Variants in EYA4 observed in about 807,000 individuals in gnomAD.
The protein encoded by EYA4 is protein phosphatase EYA4.
A neutral mutation model predicts 87.9 loss-of-function variants in EYA4; 31 were observed. The ratio of observed to expected loss-of-function variants is 0.35; its 90% CI spans 0.27 to 0.48. The LOEUF (loss-of-function observed/expected upper bound fraction) is 0.48. Ranked by LOEUF, EYA4 falls within the 20% of genes least tolerant of loss-of-function variation. EYA4 has a pLI of 0.99. For missense variants in EYA4, 678 were observed against 761.4 expected (o/e 0.89, Z 1.29); for synonymous variants, 263 against 270.6 (o/e 0.97, Z 0.28).
At chr6:133,338,443 A>G (rs929984947) in intron 2 of EYA4, among the ~76,000 whole-genome samples, 5 of 152,164 alleles carry the variant, frequency 3.3e-5, no homozygotes, top group African/African-American at 1.2e-4. Context: ...GGTTTATGTC[A>G]CTTCACTTGA....
intron 2 of EYA4, among the ~76,000 whole-genome samples, chr6:133,366,497 A>G (rs1784863201): frequency 6.6e-6 from 1 of 152,176 alleles, no homozygotes; most frequent in South Asian, 2.1e-4. Context: ...CTGGGGGCAG[A>G]TCATGCATTT....
rs554857253 is a variant in EYA4, at chr6:133,495,975, G to A, written c.1192-10131G>A. On this transcript the variant is annotated intron_variant, in intron 13 of 19. Transcript: ENST00000355286. ...AAAAGGCCATGGTCAAATATATTTA[G>A]GGAATGCTTACATTTTATAGCCATT... Among the ~76,000 whole-genome samples the A allele has an allele frequency of 2.0e-4, 30 of 152,306 alleles. No homozygotes were observed. In the East Asian group the frequency reaches 5.8e-3, roughly 29 times the overall value.
At chr6:133,409,661 G>A (rs531715171) in intron 3 of EYA4, among the ~76,000 whole-genome samples, 1 of 152,144 alleles carries the variant, frequency 6.6e-6, no homozygotes, top group East Asian at 1.9e-4. Context: ...AGAAACAGAG[G>A]GTAGAATGGT....
chr6:133,350,807 A>G (rs987967998), intron 2 of EYA4, among the ~76,000 whole-genome samples: 4 of 152,120 alleles, frequency 2.6e-5, no homozygotes, highest in Non-Finnish European at 4.4e-5. Context: ...TCTATATTTT[A>G]GCTTTAGAAA....
intron 5 of EYA4, chr6:133,452,911 A>G (rs1793584657): frequency 6.6e-6 from 1 of 152,102 alleles, no homozygotes; most frequent in South Asian, 2.1e-4. Flanking sequence ...TCAACCTAGG[A>G]CATTAAAATA....
chr6:133,359,384 C>T (rs987720080), intron 2 of EYA4, among the ~76,000 whole-genome samples: 9 of 152,122 alleles, frequency 5.9e-5, no homozygotes, highest in Non-Finnish European at 1.2e-4. Flanking sequence ...TGAAATGAAA[C>T]CCTAATGGGC....
In EYA4 at chr6:133,301,471, G is replaced by T. The variant is rs543864656; in HGVS notation, c.33+26658G>T. 2.0e-5 allele frequency among the ~76,000 whole-genome samples: 3 copies of T among 152,228 alleles called. No individual in the cohort carries two copies. In the South Asian group the frequency reaches 6.2e-4, roughly 32 times the overall value. On this transcript the variant is annotated intron_variant, in intron 2 of 19. Coordinates refer to ENST00000355286, the MANE Select transcript of EYA4 (RefSeq NM_004100.5). The stretch of plus-strand genomic sequence containing the variant: ...TCCCGGATGCCTTTTATTTGGTGAA[G>T]AAAACAATGTTCTAATACAAAGTGA...
intron 1 of EYA4, among the ~76,000 whole-genome samples, chr6:133,253,692 A>G (rs769392716): frequency 1.3e-5 from 2 of 152,126 alleles, no homozygotes; most frequent in Non-Finnish European, 2.9e-5. Context: ...TTCAAGGCTT[A>G]GCTCAAATGT....
At chr6:133,331,529 A>G (rs1330296403) in intron 2 of EYA4, among the ~76,000 whole-genome samples, 1 of 152,226 alleles carries the variant, frequency 6.6e-6, no homozygotes, top group Non-Finnish European at 1.5e-5. Flanking sequence ...AATTTTAATT[A>G]TTAATCAGGA....
chr6:133,388,067 C>T, intron 3 of EYA4, among the ~76,000 whole-genome samples: 1 of 152,038 alleles, frequency 6.6e-6, no homozygotes, highest in East Asian at 1.9e-4. Context: ...AGATAATTGT[C>T]TGTGGTGTTT....
At chr6:133,505,964 A>G (rs1369907785) in intron 13 of EYA4, 142 bp from the exon 14 acceptor site, 3 of 656,712 alleles carry the variant, frequency 4.6e-6, no homozygotes, top group Non-Finnish European at 8.2e-6. Flanking sequence ...ACCTTTTTGG[A>G]AAACTGAGAA....
chr6:133,373,659 A>C (rs1785449947), intron 2 of EYA4, among the ~76,000 whole-genome samples: 1 of 152,086 alleles, frequency 6.6e-6, no homozygotes. Flanking sequence ...TACATTGTAA[A>C]GCATTTATCC....
At chr6:133,482,009 A>G (rs965861630) in intron 12 of EYA4, among the ~76,000 whole-genome samples, 4 of 152,212 alleles carry the variant, frequency 2.6e-5, no homozygotes, top group Non-Finnish European at 4.4e-5. Flanking sequence ...GTATAGAAAG[A>G]AAAATTCATC....
chr6:133,485,832 T>C (rs560097239), intron 13 of EYA4, among the ~76,000 whole-genome samples: 1 of 152,306 alleles, frequency 6.6e-6, no homozygotes, highest in East Asian at 1.9e-4. Context: ...AGAGGCACTA[T>C]TGGAAGGGGA....
At chr6:133,244,974 TCA>T (rs1235441278) in intron 1 of EYA4, 1 of 152,144 alleles carries the variant, frequency 6.6e-6, no homozygotes, top group Non-Finnish European at 1.5e-5. Context: ...CCACAAAAAC[TCA>T]CAGTTTTTAT....
intron 13 of EYA4, among the ~76,000 whole-genome samples, chr6:133,501,014 T>A (rs1379694826): frequency 6.6e-6 from 1 of 152,148 alleles, no homozygotes; most frequent in Non-Finnish European, 1.5e-5. Flanking sequence ...CCTTGTTTCC[T>A]TTCCCTTCCC....
intron 13 of EYA4, among the ~76,000 whole-genome samples, chr6:133,495,357 T>C (rs575293661): frequency 1.8e-4 from 26 of 144,172 alleles, no homozygotes; most frequent in Non-Finnish European, 3.0e-4. Context: ...GAGATATATT[T>C]ATTTATTTAT....
intron 2 of EYA4, 152 bp downstream of exon 2, chr6:133,274,965 T>A: frequency 1.5e-6 from 1 of 664,034 alleles, no homozygotes; most frequent in Non-Finnish European, 2.6e-6. Flanking sequence ...GAAACAGACC[T>A]TTGGAGATTT....
chr6:133,398,627 A>C (rs1562374255), intron 3 of EYA4, among the ~76,000 whole-genome samples: 3 of 152,146 alleles, frequency 2.0e-5, no homozygotes, highest in Non-Finnish European at 2.9e-5. Context: ...ACTTCTACTA[A>C]AATTGTTTCT....
Sources: gnomAD v4.1 joint callset for allele counts (sites outside exome capture counted in the v4.1 genomes callset) on GRCh38, gnomAD v4.1.1 for gene constraint, MANE v1.5 for transcripts, NCBI Gene and HGNC (gene_info 2026-07-23, HGNC 2026-07-21) for gene names.